Variants in KLF13 observed in about 807,000 individuals in gnomAD.
KLF13 encodes the protein Krueppel-like factor 13.
KLF13 carries 8 observed loss-of-function variants against 16.7 expected under a neutral mutation model. The observed-to-expected ratio is 0.48, with a 90% confidence interval of 0.28 to 0.87. The LOEUF (loss-of-function observed/expected upper bound fraction) is 0.87, where lower values mean the gene tolerates loss of function less well. Among genes scored for constraint, KLF13 ranks in the 40% least tolerant of loss-of-function variants. The probability of loss-of-function intolerance (pLI) is 0.10; values close to 1 mark genes in which losing one functional copy is unlikely to be tolerated. For synonymous variants in KLF13, 245 were observed against 208.4 expected, an observed-to-expected ratio of 1.18 and a Z score of -1.51; for missense variants, 447 against 452.2, an observed-to-expected ratio of 0.99 and a Z score of 0.10.
chr15:31,433,915 C>T (rs1315308019), intron 1 of KLF13, among the ~76,000 whole-genome samples: 1 of 152,246 alleles, frequency 6.6e-6, no homozygotes, highest in Non-Finnish European at 1.5e-5. Context: ...CTTATCTGCC[C>T]TCGCCATGTG....
chr15:31,400,963 C>T (rs1035388549), intron 2 of KLF13, among the ~76,000 whole-genome samples: 2 of 152,000 alleles, frequency 1.3e-5, no homozygotes, highest in Non-Finnish European at 2.9e-5. Flanking sequence ...AGGTGACCTT[C>T]TGAGGCAGGT....
At chr15:31,352,056 G>A (rs1245331328) in intron 1 of KLF13, among the ~76,000 whole-genome samples, 3 of 151,484 alleles carry the variant, frequency 2.0e-5, no homozygotes, top group African/African-American at 7.3e-5. Context: ...GTGAACAGAA[G>A]TCACTGTTTA....
intron 1 of KLF13, among the ~76,000 whole-genome samples, chr15:31,418,511 G>A (rs558901180): frequency 7.2e-5 from 11 of 151,978 alleles, no homozygotes; most frequent in Non-Finnish European, 1.3e-4. Flanking sequence ...AACAAAGAGT[G>A]CACAAATAAC....
chr15:31,359,407 G>A (rs62037894), intron 1 of KLF13, among the ~76,000 whole-genome samples: 10 of 152,174 alleles, frequency 6.6e-5, no homozygotes, highest in Non-Finnish European at 1.5e-4. Context: ...ACCTTTCCAG[G>A]CAGTGTACTG....
In KLF13 at chr15:31,372,266, C is replaced by T; in HGVS notation, c.834C>T (p.Ser278=). The T allele has an allele frequency of 6.6e-7, 1 of 1,522,206 alleles. No homozygotes were observed. The highest frequency in any genetic ancestry group is 8.8e-7 in the Non-Finnish European group (1 of 1,139,204). 94.3% of individuals were successfully genotyped at this position (1,522,206 alleles called of 1,614,324 possible). The part of the protein sequence containing the change: ...SLSDYSRSDA[S]SPTISPASSP ...GCGACTACAGCCGCTCCGACGCCAG[C>T]AGCCCCACCATCAGCCCGGCCAGCT... Residue 278 remains serine, a synonymous_variant, in exon 2 of 2, where the codon AGC becomes AGT. Transcript: ENST00000307145.
At chr15:31,353,838 A>G (rs1434741733) in intron 1 of KLF13, among the ~76,000 whole-genome samples, 1 of 151,884 alleles carries the variant, frequency 6.6e-6, no homozygotes, top group East Asian at 2.0e-4. Context: ...CGAGGACTCT[A>G]TACTGCAGGC....
At chr15:31,406,399 C>T (rs139491021), downstream of KLF13, among the ~76,000 whole-genome samples, 2,369 of 152,310 alleles carry the variant, frequency 0.016, 21 homozygotes, top group Non-Finnish European at 0.023. Context: ...ATCGCTTGAA[C>T]CCGGGAGGCA....
intron 2 of KLF13, among the ~76,000 whole-genome samples, chr15:31,396,126 A>G (rs1213466588): frequency 6.6e-6 from 1 of 152,094 alleles, no homozygotes; most frequent in East Asian, 1.9e-4. Context: ...CCTGGGTTCA[A>G]GAGATTCTCC....
chr15:31,370,354 T>C (rs574077210), intron 1 of KLF13, among the ~76,000 whole-genome samples: 112 of 152,292 alleles, frequency 7.4e-4, no homozygotes, highest in South Asian at 1.9e-3. Context: ...TTTGAGTATA[T>C]TTCCAGCTTT....
intron 1 of KLF13, among the ~76,000 whole-genome samples, chr15:31,351,466 CTGGTCTGAG>C (rs79600917): frequency 0.4 from 61,420 of 151,710 alleles, 13,214 homozygotes; most frequent in African/African-American, 0.57. Flanking sequence ...GGTTTCTAAC[CTGGTCTGAG>C]TGGTTGCCCC....
chr15:31,428,322 G>C (rs989323544), intron 1 of KLF13, among the ~76,000 whole-genome samples: 9 of 152,036 alleles, frequency 5.9e-5, no homozygotes, highest in African/African-American at 1.9e-4. Context: ...AGGGATAAAA[G>C]TACAAAATAT....
At chr15:31,410,708 TC>T (rs2040183715) in intron 1 of KLF13, among the ~76,000 whole-genome samples, 1 of 151,988 alleles carries the variant, frequency 6.6e-6, no homozygotes, top group African/African-American at 2.4e-5. Context: ...GAGTCAGTTT[TC>T]CAAAAAGCCA....
chr15:31,380,388 T>A (rs1235604327), downstream of KLF13, among the ~76,000 whole-genome samples: 1 of 152,240 alleles, frequency 6.6e-6, no homozygotes, highest in Non-Finnish European at 1.5e-5. Flanking sequence ...AAGCAGGGGC[T>A]GAAACACTGC....
At chr15:31,354,639 C>T (rs138881083) in intron 1 of KLF13, among the ~76,000 whole-genome samples, 24 of 152,294 alleles carry the variant, frequency 1.6e-4, no homozygotes, top group African/African-American at 5.8e-4. Flanking sequence ...CCCACCTTGG[C>T]CTCCCAAAGT....
Position 31,327,014 on chromosome 15 carries a change from C to A in KLF13, c.-199C>A. 1 of 265,096 alleles carries A rather than the reference C, an allele frequency of 3.8e-6. No individual in the cohort carries two copies. The highest frequency in any genetic ancestry group is 6.0e-6 in the Non-Finnish European group (1 of 165,376). 16.4% of individuals were successfully genotyped at this position (265,096 alleles called of 1,614,324 possible). ...CGCCCCATGCGCTCACTCTTCGGTGCCCGGCCGGGCCGGCGCCTCGCAGAC... is the reference window on the plus strand; with the variant it reads ...CGCCCCATGCGCTCACTCTTCGGTGACCGGCCGGGCCGGCGCCTCGCAGAC... On this transcript the variant is annotated 5_prime_UTR_variant, in exon 1 of 2. Coordinates refer to ENST00000307145, the MANE Select transcript of KLF13 (RefSeq NM_015995.4).
upstream of KLF13, among the ~76,000 whole-genome samples, chr15:31,388,534 C>G (rs186238846): frequency 6.0e-5 from 9 of 149,876 alleles, no homozygotes; most frequent in African/African-American, 2.2e-4. Context: ...AGGAGAATCG[C>G]TTGAACCCAG....
At chr15:31,412,054 C>T (rs1335663056) in intron 1 of KLF13, among the ~76,000 whole-genome samples, 1 of 152,138 alleles carries the variant, frequency 6.6e-6, no homozygotes, top group Non-Finnish European at 1.5e-5. Flanking sequence ...CTGAATTCCC[C>T]AATGTAATTA....
At chr15:31,359,023 A>G (rs189404127) in intron 1 of KLF13, among the ~76,000 whole-genome samples, 33 of 152,334 alleles carry the variant, frequency 2.2e-4, no homozygotes, top group Non-Finnish European at 2.9e-5. Context: ...GGGTCTCACA[A>G]TGGAAAGGAA....
At chr15:31,410,312 G>A (rs1029146428) in intron 1 of KLF13, among the ~76,000 whole-genome samples, 3 of 151,606 alleles carry the variant, frequency 2.0e-5, no homozygotes, top group South Asian at 2.1e-4. Flanking sequence ...CCAAAAGACT[G>A]CATTAAAAAA....
Sources: gnomAD v4.1 joint callset for allele counts (sites outside exome capture counted in the v4.1 genomes callset) on GRCh38, gnomAD v4.1.1 for gene constraint, MANE v1.5 for transcripts, NCBI Gene and HGNC (gene_info 2026-07-23, HGNC 2026-07-21) for gene names.